Variants in PACC1 observed in about 807,000 individuals in gnomAD.
The protein encoded by PACC1 is proton-activated chloride channel.
In PACC1, 34 loss-of-function variants were observed where a neutral mutation model predicts 39.7. That is an observed-to-expected ratio of 0.86 (90% CI 0.65 to 1.14). PACC1 has a LOEUF of 1.14. Ranked by LOEUF, PACC1 falls within the 50% of genes most tolerant of loss-of-function variation. The pLI is 0.00. For synonymous variants in PACC1, 127 were observed against 160.6 expected (o/e 0.79, Z 1.58); for missense variants, 379 against 436.4 (o/e 0.87, Z 1.17).
At chr1:212,377,390 C>T (rs1397834681) in intron 6 of PACC1, among the ~76,000 whole-genome samples, 172 bp downstream of exon 6, 1 of 152,208 alleles carries the variant, frequency 6.6e-6, no homozygotes, top group African/African-American at 2.4e-5. Context: ...CACACACAGA[C>T]TCCCTGGCAT....
chr1:212,375,105 C>T, intron 7 of PACC1, 88 bp downstream of exon 7: 1 of 1,071,224 alleles, frequency 9.3e-7, no homozygotes, highest in Non-Finnish European at 1.4e-6. Context: ...TTCAGGGCAG[C>T]ATCATAATCT....
At chr1:212,390,205 A>AC (rs1661259439) in intron 2 of PACC1, among the ~76,000 whole-genome samples, 2 of 152,122 alleles carry the variant, frequency 1.3e-5, no homozygotes, top group Middle Eastern at 3.4e-3. Context: ...CAGGCGGATC[A>AC]CAAGGTCAAG....
chr1:212,392,902 T>C (rs1279885756), intron 2 of PACC1, among the ~76,000 whole-genome samples: 1 of 151,736 alleles, frequency 6.6e-6, no homozygotes, highest in African/African-American at 2.4e-5. Flanking sequence ...TAAATATATA[T>C]GCACCCAATA....
At chr1:212,371,460 A>C (rs1170795054) in intron 7 of PACC1, among the ~76,000 whole-genome samples, 1 of 152,116 alleles carries the variant, frequency 6.6e-6, no homozygotes, top group Non-Finnish European at 1.5e-5. Flanking sequence ...AAAGAAGTGG[A>C]AAAATTCCTG....
chr1:212,413,974 A>G, intron 1 of PACC1: 1 of 1,535,818 alleles, frequency 6.5e-7, no homozygotes, highest in Non-Finnish European at 8.7e-7. Context: ...AAGATGACCA[A>G]GGTTTGGGGG....
chr1:212,411,668 G>A (rs913101402), intron 1 of PACC1, among the ~76,000 whole-genome samples: 2 of 152,156 alleles, frequency 1.3e-5, no homozygotes, highest in African/African-American at 4.8e-5. Flanking sequence ...CAGGTTCACA[G>A]CATCAGTGTT....
chr1:212,404,521 T>A (rs1412198936), intron 2 of PACC1, among the ~76,000 whole-genome samples: 1 of 151,840 alleles, frequency 6.6e-6, no homozygotes, highest in Non-Finnish European at 1.5e-5. Context: ...TCTACTTTGC[T>A]CACCAGCCCT....
At chr1:212,409,493 T>A (rs554599836) in intron 2 of PACC1, among the ~76,000 whole-genome samples, 1 of 152,036 alleles carries the variant, frequency 6.6e-6, no homozygotes, top group African/African-American at 2.4e-5. Flanking sequence ...AAGATCAGCA[T>A]GGCTGAGGGC....
At chr1:212,372,287 AAAAAAAACAAAAAAC>A (rs1344290534) in intron 7 of PACC1, among the ~76,000 whole-genome samples, 4 of 148,622 alleles carry the variant, frequency 2.7e-5, no homozygotes, top group African/African-American at 1.0e-4. Context: ...TGTGTCAAAA[AAAAAAAACAAAAAAC>A]AAAAAACAAA....
intron 4 of PACC1, among the ~76,000 whole-genome samples, chr1:212,384,918 CA>C (rs1455544047): frequency 6.6e-6 from 1 of 152,372 alleles, no homozygotes; most frequent in South Asian, 2.1e-4. Flanking sequence ...TTCATATTTT[CA>C]AAAAGTATCC....
intron 2 of PACC1, chr1:212,410,126 C>G (rs1662069995): frequency 2.9e-6 from 1 of 346,582 alleles, no homozygotes; most frequent in Non-Finnish European, 5.5e-6. Flanking sequence ...AGAGGCTCAC[C>G]TGCTAGCAGT....
At chr1:212,385,534 T>A (rs765930711) in intron 3 of PACC1, 109 bp from the exon 4 acceptor site, 7 of 1,200,792 alleles carry the variant, frequency 5.8e-6, no homozygotes, top group Non-Finnish European at 8.4e-6. Context: ...CCTGGAGGAC[T>A]GCAGGGAAGG....
At chr1:212,408,289 A>T (rs1236115221) in intron 2 of PACC1, among the ~76,000 whole-genome samples, 2 of 152,086 alleles carry the variant, frequency 1.3e-5, no homozygotes, top group African/African-American at 4.8e-5. Flanking sequence ...AGATCCTGGC[A>T]CAGGAGAAGC....
At chr1:212,374,049 GAA>G (rs199738815) in intron 7 of PACC1, among the ~76,000 whole-genome samples, 12 of 90,006 alleles carry the variant, frequency 1.3e-4, no homozygotes, top group African/African-American at 3.0e-4. Context: ...AAAAAGAAAA[GAA>G]AAAAAAAAAA....
intron 7 of PACC1, among the ~76,000 whole-genome samples, chr1:212,366,536 G>A (rs1305879774): frequency 2.0e-5 from 3 of 151,948 alleles, no homozygotes; most frequent in Admixed American, 6.6e-5. Context: ...TTATGACCTC[G>A]TGATCCGCCT....
chr1:212,378,970 G>A (rs1660770139), intron 5 of PACC1, among the ~76,000 whole-genome samples: 1 of 146,564 alleles, frequency 6.8e-6, no homozygotes, highest in Non-Finnish European at 1.5e-5. Context: ...TTTTTTTGGA[G>A]TCTCGCTCTG....
At chr1:212,405,918 G>C (rs1006070601) in intron 2 of PACC1, among the ~76,000 whole-genome samples, 4 of 152,002 alleles carry the variant, frequency 2.6e-5, no homozygotes, top group Non-Finnish European at 5.9e-5. Flanking sequence ...AAGGCAGGAG[G>C]ATCACTGGAG....
Position 212,375,187 on chromosome 1 carries a change from A to C in PACC1, c.891+6T>G, listed in dbSNP as rs200069875. 5.0e-5 allele frequency: 80 copies of C among 1,587,838 alleles called. No homozygotes were observed. Among genetic ancestry groups the C allele is most frequent in the Non-Finnish European group, 6.8e-5 (79 of 1,156,430 alleles). On this transcript the variant is annotated splice_donor_region_variant and intron_variant, in intron 7 of 7. Coordinates refer to ENST00000261455, the MANE Select transcript of PACC1 (RefSeq NM_018252.3). ...AAATAATACTATCATAATCTTAAAT[A>C]CTCACATCTTGGACTTTCTGGATGA... is the stretch of plus-strand genomic sequence containing the variant.
chr1:212,414,186 C>A, intron 1 of PACC1: 1 of 1,246,268 alleles, frequency 8.0e-7, no homozygotes. Context: ...TAGCAGAGTC[C>A]ATGAAGGCAC....
Sources: gnomAD v4.1 joint callset for allele counts (sites outside exome capture counted in the v4.1 genomes callset) on GRCh38, gnomAD v4.1.1 for gene constraint, MANE v1.5 for transcripts, NCBI Gene and HGNC (gene_info 2026-07-23, HGNC 2026-07-21) for gene names.